The following KALRN variants were observed in gnomAD, a reference collection of about 807,000 sequenced individuals.
The protein encoded by KALRN is kalirin RhoGEF kinase.
In KALRN, 70 loss-of-function variants were observed where a neutral mutation model predicts 353.7. The observed-to-expected ratio is 0.20, with a 90% confidence interval of 0.16 to 0.24. The LOEUF (loss-of-function observed/expected upper bound fraction) is 0.24. Among genes scored for constraint, KALRN ranks in the 10% least tolerant of loss-of-function variants. KALRN has a pLI of 1.00. For missense variants in KALRN, 2,791 were observed against 3,756.7 expected (o/e 0.74, Z 6.72); for synonymous variants, 1,391 against 1,434.8 (o/e 0.97, Z 0.69).
chr3:124,477,882 A>G (rs2061578957), intron 27 of KALRN, among the ~76,000 whole-genome samples: 1 of 152,130 alleles, frequency 6.6e-6, no homozygotes, highest in Non-Finnish European at 1.5e-5. Context: ...AGGTTCTGCT[A>G]TGATTGGCCT....
chr3:124,173,026 A>G lies in KALRN; in HGVS notation c.74-54964A>G, dbSNP rs115984033. 1.9e-3 allele frequency among the ~76,000 whole-genome samples: 290 copies of G among 152,246 alleles called. 1 individual carries two copies. Among genetic ancestry groups the G allele is most frequent in the African/African-American group, 6.6e-3 (273 of 41,544 alleles). ...AAATTAGGCTTCAGGAGATTAAATA[A>G]TAACTGGCCTAAGGTCACACAACTA... is the stretch of plus-strand genomic sequence containing the variant. On this transcript the variant is annotated intron_variant, in intron 1 of 59. Coordinates refer to ENST00000682506, the MANE Select transcript of KALRN (RefSeq NM_001388419.1).
chr3:124,572,114 G>A (rs1340059757), intron 34 of KALRN, among the ~76,000 whole-genome samples: 1 of 151,428 alleles, frequency 6.6e-6, no homozygotes, highest in Non-Finnish European at 1.5e-5. Flanking sequence ...CTTGAGCTCA[G>A]GAGTTCTAGA....
rs529712666 is a variant in KALRN, at chr3:124,399,287, C to T, written c.2346+416C>T. On this transcript the variant is annotated intron_variant, in intron 13 of 59. Transcript: ENST00000682506. ...CCGAATAGCTGGGATTACAGGCATG[C>T]GCCACCACACCTGGCTAATTTTGTA... Among the ~76,000 whole-genome samples, 156 of 152,062 alleles carry T rather than the reference C, an allele frequency of 1.0e-3. 2 individuals are homozygous for T. The highest frequency in any genetic ancestry group is 3.6e-3 in the African/African-American group (149 of 41,504).
At chr3:124,430,854 G>A in intron 16 of KALRN, 79 bp downstream of exon 16, 2 of 1,510,176 alleles carry the variant, frequency 1.3e-6, no homozygotes, top group South Asian at 1.3e-5. Context: ...CTCAGGTGTG[G>A]GTGTTCCTTC....
chr3:124,079,515 C>T (rs1440383582), intron 1 of KALRN, among the ~76,000 whole-genome samples: 2 of 152,092 alleles, frequency 1.3e-5, no homozygotes, highest in Non-Finnish European at 2.9e-5. Flanking sequence ...GACCCAGAGC[C>T]CAAGACATCT....
Position 124,721,566 on chromosome 3 carries a change from T to C in KALRN, c.*2096T>C, listed in dbSNP as rs1415942062. On this transcript the variant is annotated 3_prime_UTR_variant, in exon 60 of 60. Coordinates refer to ENST00000682506, the MANE Select transcript of KALRN (RefSeq NM_001388419.1). ...TTAGTAAACATGTTTTCATTGTGTT[T>C]AAAAAATTTAAAACATATTTACTAA... 1 of 152,206 alleles carries C rather than the reference T, an allele frequency of 6.6e-6. No individual in the cohort carries two copies. Among genetic ancestry groups the C allele is most frequent in the Non-Finnish European group, 1.5e-5 (1 of 68,038 alleles). The allele number at this position is 152,206 out of a possible 1,614,324, so 9.4% of individuals were successfully genotyped here.
chr3:124,423,572 G>A (rs1169354597), intron 15 of KALRN, among the ~76,000 whole-genome samples: 1 of 152,238 alleles, frequency 6.6e-6, no homozygotes, highest in Non-Finnish European at 1.5e-5. Flanking sequence ...AATGACCAAT[G>A]TCACATTTTA....
At chr3:124,661,816 T>TCC in intron 44 of KALRN, 35 bp from the exon 45 acceptor site, 1 of 1,556,968 alleles carries the variant, frequency 6.4e-7, no homozygotes. Context: ...TGAGTGCTGT[T>TCC]CCCCCTCCTG....
intron 11 of KALRN, among the ~76,000 whole-genome samples, chr3:124,392,784 T>A (rs574107593): frequency 6.9e-6 from 1 of 145,138 alleles, no homozygotes; most frequent in Non-Finnish European, 1.5e-5. Context: ...TTTGTATTTT[T>A]TTTTATTTTT....
intron 37 of KALRN, among the ~76,000 whole-genome samples, chr3:124,638,858 T>G (rs2081672762): frequency 6.6e-6 from 1 of 152,234 alleles, no homozygotes; most frequent in Admixed American, 6.5e-5. Flanking sequence ...GTGTGTTTTC[T>G]TATGTATATA....
chr3:124,474,471 A>G (rs1272216857), intron 25 of KALRN, among the ~76,000 whole-genome samples, 192 bp from the exon 26 acceptor site: 1 of 152,234 alleles, frequency 6.6e-6, no homozygotes, highest in Non-Finnish European at 1.5e-5. Flanking sequence ...AGTAGCACTA[A>G]TTAATCAATT....
chr3:124,592,309 CAAAAAAAAAAA>C (rs10575664), intron 34 of KALRN, among the ~76,000 whole-genome samples: 2 of 120,648 alleles, frequency 1.7e-5, no homozygotes, highest in Admixed American at 1.8e-4. Flanking sequence ...CTCAAAGAAA[CAAAAAAAAAAA>C]AAAAAAAAAG....
chr3:124,505,775 G>T lies in KALRN; in HGVS notation c.4935+9362G>T, dbSNP rs374301724. Among the ~76,000 whole-genome samples, 20 of 152,292 alleles carry T rather than the reference G, an allele frequency of 1.3e-4. No homozygotes were observed. The East Asian group carries it at 3.5e-3, about 26-fold the overall frequency. On this transcript the variant is annotated intron_variant, in intron 33 of 59. Coordinates refer to ENST00000682506, the MANE Select transcript of KALRN (RefSeq NM_001388419.1). ...TGCTTTCGCTGGAGCTCCCTTTACC[G>T]TATGTGCTGTGGTATAAAACATAAC...
chr3:124,694,073 A>G (rs1434982775), intron 52 of KALRN, among the ~76,000 whole-genome samples: 1 of 152,216 alleles, frequency 6.6e-6, no homozygotes, highest in Non-Finnish European at 1.5e-5. Flanking sequence ...CAGAATGCCT[A>G]CAGTAATTAT....
chr3:124,297,335 A>G (rs1300977892), intron 5 of KALRN, among the ~76,000 whole-genome samples: 1 of 152,220 alleles, frequency 6.6e-6, no homozygotes, highest in Non-Finnish European at 1.5e-5. Flanking sequence ...CCTTTAGTCC[A>G]TCCCAAATGG....
rs1232087424 is a variant in KALRN at position 124,717,317 on chromosome 3, T to C, written c.8347T>C (p.Tyr2783His). 4 of 1,612,858 alleles carry C rather than the reference T, an allele frequency of 2.5e-6. No homozygotes were observed. In the South Asian group the frequency reaches 4.4e-5, roughly 18 times the overall value. The change falls in exon 59 of 60, where the codon TAT (tyrosine) becomes CAT (histidine). Residue 2783 changes from tyrosine (Y) to histidine (H), a missense_variant. Tyr to His is a moderately conservative substitution (Grantham distance 83). This residue lies in a region of KALRN where 188 missense variants were observed against 402.9 expected (regional missense o/e 0.47). Coordinates refer to ENST00000682506, the MANE Select transcript of KALRN (RefSeq NM_001388419.1). Reference protein sequence around the residue: ...DELMEEKVAFYIRDIMEALQY... With the variant: ...DELMEEKVAFHIRDIMEALQY... ...ACTGATGGAGGAAAAAGTAGCTTTC[T>C]ATATCCGAGACATCATGGAGGCTCT... is the stretch of plus-strand genomic sequence containing the variant.
intron 1 of KALRN, among the ~76,000 whole-genome samples, chr3:124,068,703 G>A (rs961922898): frequency 9.9e-5 from 15 of 152,108 alleles, no homozygotes; most frequent in African/African-American, 3.4e-4. Flanking sequence ...AATATTTATT[G>A]ATTTACACCC....
intron 1 of KALRN, among the ~76,000 whole-genome samples, chr3:124,131,827 C>A (rs1360889981): frequency 6.6e-6 from 1 of 152,070 alleles, no homozygotes; most frequent in African/African-American, 2.4e-5. Context: ...CAACCCAGGC[C>A]CATTTCTGGC....
intron 12 of KALRN, among the ~76,000 whole-genome samples, chr3:124,396,272 A>G (rs1200137974): frequency 6.6e-6 from 1 of 152,112 alleles, no homozygotes; most frequent in Non-Finnish European, 1.5e-5. Flanking sequence ...TTTCACCCAT[A>G]CCAGTTGTCC....
Sources: gnomAD v4.1 joint callset for allele counts (sites outside exome capture counted in the v4.1 genomes callset) on GRCh38, gnomAD v4.1.1 for gene constraint, gnomAD v4.1.1 regional missense constraint, MANE v1.5 for transcripts, NCBI Gene and HGNC (gene_info 2026-07-23, HGNC 2026-07-21) for gene names.